The following CEP112 variants were observed in gnomAD, a reference collection of about 807,000 sequenced individuals.
The protein encoded by CEP112 is centrosomal protein 112.
In CEP112, 127 loss-of-function variants were observed where a neutral mutation model predicts 153.0. That is an observed-to-expected ratio of 0.83 (90% CI 0.72 to 0.96). The LOEUF (loss-of-function observed/expected upper bound fraction) is 0.96, where lower values mean the gene tolerates loss of function less well. Ranked by LOEUF, CEP112 falls within the 40% of genes least tolerant of loss-of-function variation. CEP112 has a pLI of 0.00. For synonymous variants in CEP112, 358 were observed against 374.4 expected (o/e 0.96, Z 0.51); for missense variants, 1,089 against 1,101.2 (o/e 0.99, Z 0.16).
At chr17:65,937,385 C>T (rs1276230755) in intron 18 of CEP112, among the ~76,000 whole-genome samples, 24 of 117,844 alleles carry the variant, frequency 2.0e-4, no homozygotes, top group Middle Eastern at 4.0e-3. Flanking sequence ...CGTCTCTGCC[C>T]GGCTGCCCAT....
chr17:65,878,512 C>T (rs968980358), intron 20 of CEP112, among the ~76,000 whole-genome samples: 6 of 152,144 alleles, frequency 3.9e-5, no homozygotes, highest in Non-Finnish European at 7.4e-5. Flanking sequence ...AAAAATGGGA[C>T]AGGCGTGTTT....
chr17:65,936,420 A>G (rs7225279), intron 18 of CEP112, among the ~76,000 whole-genome samples: 74,390 of 151,988 alleles, frequency 0.49, 19,118 homozygotes, highest in East Asian at 0.89. Flanking sequence ...AACTCATATC[A>G]TAAGGCCAAT....
intron 12 of CEP112, among the ~76,000 whole-genome samples, chr17:66,049,048 AT>A (rs2066332403): frequency 6.6e-6 from 1 of 152,218 alleles, no homozygotes. Context: ...CCAAAGTTGT[AT>A]TTCTCTCCCT....
intron 4 of CEP112, among the ~76,000 whole-genome samples, chr17:66,146,209 T>C (rs548781821): frequency 1.3e-5 from 2 of 152,200 alleles, no homozygotes; most frequent in South Asian, 4.1e-4. Context: ...ATTTCTTCCA[T>C]AAAAGCCTTA....
intron 21 of CEP112, among the ~76,000 whole-genome samples, chr17:65,801,380 T>C (rs903989748): frequency 1.3e-5 from 2 of 152,232 alleles, no homozygotes; most frequent in African/African-American, 4.8e-5. Flanking sequence ...TTGATGTTGC[T>C]GTATTCTTTG....
chr17:65,916,066 G>A (rs943505218), intron 19 of CEP112, among the ~76,000 whole-genome samples: 2 of 151,974 alleles, frequency 1.3e-5, no homozygotes, highest in African/African-American at 4.8e-5. Flanking sequence ...CTTCATCCAG[G>A]TCTTAATTTG....
intron 18 of CEP112, among the ~76,000 whole-genome samples, chr17:65,942,426 G>A (rs1197345567): frequency 6.6e-6 from 1 of 152,108 alleles, no homozygotes; most frequent in Non-Finnish European, 1.5e-5. Flanking sequence ...GTTACAAAAA[G>A]TTCAGAAGTA....
chr17:65,924,485 A>T (rs1051805975), intron 19 of CEP112, among the ~76,000 whole-genome samples: 1 of 152,176 alleles, frequency 6.6e-6, no homozygotes, highest in African/African-American at 2.4e-5. Context: ...ATGAATATGT[A>T]TATATAGAGT....
intron 19 of CEP112, among the ~76,000 whole-genome samples, chr17:65,923,528 G>A (rs1240427977): frequency 6.6e-6 from 1 of 152,146 alleles, no homozygotes; most frequent in Non-Finnish European, 1.5e-5. Context: ...CTGGGAGACA[G>A]AGCAAGACCC....
intron 24 of CEP112, among the ~76,000 whole-genome samples, chr17:65,651,367 T>G (rs2318482): frequency 2.6e-5 from 4 of 152,252 alleles, no homozygotes; most frequent in Non-Finnish European, 5.9e-5. Flanking sequence ...TCCACGTTTA[T>G]GCACCCCTTG....
intron 12 of CEP112, among the ~76,000 whole-genome samples, chr17:66,034,404 CTTT>C (rs1165787165): frequency 1.3e-5 from 2 of 152,060 alleles, no homozygotes; most frequent in Non-Finnish European, 2.9e-5. Flanking sequence ...AAATCTATTT[CTTT>C]TTTTCCTTAT....
At chr17:66,128,735 G>T (rs940600118) in intron 6 of CEP112, among the ~76,000 whole-genome samples, 3 of 152,082 alleles carry the variant, frequency 2.0e-5, no homozygotes, top group Admixed American at 2.0e-4. Context: ...TCCAAAAATA[G>T]CAGAACACTT....
chr17:65,915,674 GT>G (rs1247881593), intron 19 of CEP112, among the ~76,000 whole-genome samples: 4 of 150,376 alleles, frequency 2.7e-5, no homozygotes, highest in African/African-American at 9.8e-5. Flanking sequence ...TGTAGTCTCA[GT>G]TACTTGGGAG....
chr17:66,100,664 A>C (rs2068533741), intron 6 of CEP112, among the ~76,000 whole-genome samples: 1 of 152,078 alleles, frequency 6.6e-6, no homozygotes, highest in African/African-American at 2.4e-5. Context: ...TAAATAAAAT[A>C]ATACCTGAAT....
At chr17:65,864,476 A>G (rs9896322) in intron 20 of CEP112, among the ~76,000 whole-genome samples, 21,857 of 152,098 alleles carry the variant, frequency 0.14, 1,597 homozygotes, top group African/African-American at 0.17. Flanking sequence ...TAATAACTGG[A>G]GCCCTGACGC....
At chr17:66,180,508 C>A (rs1239633969) in intron 2 of CEP112, among the ~76,000 whole-genome samples, 1 of 152,008 alleles carries the variant, frequency 6.6e-6, no homozygotes, top group African/African-American at 2.4e-5. Flanking sequence ...AAAATTAAAT[C>A]TTGAATGTTT....
chr17:66,155,379 A>T (rs2071392924), intron 4 of CEP112, among the ~76,000 whole-genome samples: 1 of 151,958 alleles, frequency 6.6e-6, no homozygotes, highest in Admixed American at 6.5e-5. Context: ...GACTTTTCCC[A>T]TGGTCTTCAC....
At chr17:66,158,560 C>A (rs531545703) in intron 4 of CEP112, among the ~76,000 whole-genome samples, 8 of 151,886 alleles carry the variant, frequency 5.3e-5, no homozygotes, top group African/African-American at 1.9e-4. Flanking sequence ...TGCAGTCAGC[C>A]GAGATCGCGC....
intron 21 of CEP112, among the ~76,000 whole-genome samples, chr17:65,795,746 A>C (rs1382282520): frequency 1.3e-5 from 2 of 152,146 alleles, no homozygotes; most frequent in East Asian, 3.9e-4. Flanking sequence ...CAGGAGGCAG[A>C]GGTTGCAGTG....
Sources: allele counts gnomAD v4.1 joint callset (sites outside exome capture counted in the v4.1 genomes callset), GRCh38; gene constraint gnomAD v4.1.1; transcripts MANE v1.5; gene names NCBI Gene and HGNC (gene_info 2026-07-23, HGNC 2026-07-21).